AP1G1: variants seen among roughly 807,000 people sequenced by gnomAD.
AP1G1 encodes adaptor related protein complex 1 subunit gamma 1.
AP1G1 carries 7 observed loss-of-function variants against 108.3 expected under a neutral mutation model. The ratio of observed to expected loss-of-function variants is 0.06; its 90% CI spans 0.04 to 0.12. The LOEUF (loss-of-function observed/expected upper bound fraction) is 0.12. Ranked by LOEUF, AP1G1 falls within the 10% of genes least tolerant of loss-of-function variation. The pLI is 1.00. For synonymous variants in AP1G1, 379 were observed against 353.5 expected (o/e 1.07, Z -0.81); for missense variants, 756 against 1,010.7 (o/e 0.75, Z 3.42).
chr16:71,747,150 T>C (rs1424015456), intron 16 of AP1G1: 2 of 152,316 alleles, frequency 1.3e-5, no homozygotes, highest in Non-Finnish European at 2.9e-5. Flanking sequence ...TTCAATACCA[T>C]TTTTTATAAG....
chr16:71,729,343 A>T lies in AP1G1; in HGVS notation c.*3715T>A, dbSNP rs2045456623. 1 of 152,264 alleles carries T rather than the reference A, an allele frequency of 6.6e-6. No individual in the cohort carries two copies. 9.4% of individuals were successfully genotyped at this position (152,264 alleles called of 1,614,324 possible). On this transcript the variant is annotated 3_prime_UTR_variant, in exon 23 of 23. Transcript: ENST00000299980. ...GGAACACAGTGGGAGTTCATAAAGG[A>T]AAGAGTTCAGAAGCTCTTTCCCATG...
intron 19 of AP1G1, among the ~76,000 whole-genome samples, chr16:71,744,508 T>G (rs1383052691): frequency 6.6e-6 from 1 of 151,674 alleles, no homozygotes; most frequent in Non-Finnish European, 1.5e-5. Context: ...AGAAGTCATG[T>G]CTTGGGACAC....
intron 22 of AP1G1, among the ~76,000 whole-genome samples, chr16:71,734,046 GAGAA>G (rs1391914390): frequency 2.6e-5 from 4 of 152,170 alleles, no homozygotes; most frequent in Non-Finnish European, 5.9e-5. Flanking sequence ...AGTGTTACAA[GAGAA>G]AGAAAGTATA....
chr16:71,745,348 T>C (rs2030117801), intron 18 of AP1G1, 78 bp from the exon 19 acceptor site: 6 of 1,599,588 alleles, frequency 3.8e-6, no homozygotes, highest in African/African-American at 1.4e-5. Flanking sequence ...TCTTTCAATA[T>C]GTAAAAATAA....
At chr16:71,749,610 G>T (rs565627626) in intron 15 of AP1G1, among the ~76,000 whole-genome samples, 11 of 151,780 alleles carry the variant, frequency 7.2e-5, no homozygotes, top group Non-Finnish European at 1.0e-4. Flanking sequence ...TTTGAGACAG[G>T]GTCTCACTCC....
In AP1G1 at chr16:71,766,515, A is replaced by C. The variant is rs1264335234; in HGVS notation, c.643-931T>G. The C allele has an allele frequency of 2.9e-5, 13 of 444,402 alleles. No individual in the cohort carries two copies. In the Admixed American group the frequency reaches 3.4e-4, roughly 12 times the overall value. 27.5% of individuals were successfully genotyped at this position (444,402 alleles called of 1,614,324 possible). A position where few individuals can be genotyped will look rare whatever the true frequency, so the allele number is the denominator to read the frequency against. On this transcript the variant is annotated intron_variant, in intron 6 of 22. Coordinates refer to ENST00000299980, the MANE Select transcript of AP1G1 (RefSeq NM_001128.6). ...ATAGGAACTTTTTATGTTTCCAACT[A>C]AAAACTCAATTTTTAGCTATATAAA...
chr16:71,739,397 A>T lies in AP1G1; in HGVS notation c.2000-56T>A, dbSNP rs924419472. The T allele has an allele frequency of 3.7e-6, 5 of 1,356,946 alleles. 1 individual carries two copies. The African/African-American group carries it at 7.7e-5, about 21-fold the overall frequency. The allele number at this position is 1,356,946 out of a possible 1,614,324, so 84.1% of individuals were successfully genotyped here. A position where few individuals can be genotyped will look rare whatever the true frequency, so the allele number is the denominator to read the frequency against. On this transcript the variant is annotated intron_variant, in intron 19 of 22. Coordinates refer to ENST00000299980, the MANE Select transcript of AP1G1 (RefSeq NM_001128.6). Reference sequence around the variant, plus strand: ...CTTAGGCAGCATGACAAAGCTTACCAAGAAATTATAGGGAAAATTATTTCG... The same window carrying T: ...CTTAGGCAGCATGACAAAGCTTACCTAGAAATTATAGGGAAAATTATTTCG...
chr16:71,736,939 T>C (rs2045557901), intron 21 of AP1G1, among the ~76,000 whole-genome samples: 1 of 151,954 alleles, frequency 6.6e-6, no homozygotes, highest in Non-Finnish European at 1.5e-5. Flanking sequence ...TGTTGCACTG[T>C]ACAGTACACC....
chr16:71,738,217 A>ATT (rs61059579), intron 21 of AP1G1, among the ~76,000 whole-genome samples: 39 of 144,330 alleles, frequency 2.7e-4, no homozygotes, highest in South Asian at 2.2e-3. Context: ...CGCCCGGCTA[A>ATT]TTTTTTTTTT....
intron 21 of AP1G1, among the ~76,000 whole-genome samples, chr16:71,736,249 C>T (rs780130871): frequency 6.8e-6 from 1 of 148,048 alleles, no homozygotes; most frequent in Non-Finnish European, 1.5e-5. Flanking sequence ...TAATTCACAC[C>T]ATTATTTTAT....
chr16:71,776,483 T>C (rs1280028212), intron 2 of AP1G1, among the ~76,000 whole-genome samples: 1 of 152,284 alleles, frequency 6.6e-6, no homozygotes, highest in South Asian at 2.1e-4. Context: ...CAACAGAAAA[T>C]TTACTAAGGT....
At chr16:71,739,202 C>T (rs2045587194) in intron 20 of AP1G1, 32 bp downstream of exon 20, 1 of 1,607,882 alleles carries the variant, frequency 6.2e-7, no homozygotes, top group Non-Finnish European at 8.5e-7. Context: ...ACTCAGTGCT[C>T]CATGTAATGA....
chr16:71,763,049 G>C (rs2031164046), intron 9 of AP1G1, among the ~76,000 whole-genome samples: 1 of 152,140 alleles, frequency 6.6e-6, no homozygotes, highest in African/African-American at 2.4e-5. Context: ...TGATGTATAG[G>C]GAAATAGCCC....
chr16:71,739,439 A>T, intron 19 of AP1G1, 98 bp from the exon 20 acceptor site: 3 of 936,958 alleles, frequency 3.2e-6, no homozygotes, highest in Non-Finnish European at 4.7e-6. Context: ...GGTTAAGGAA[A>T]GATTCCTTAA....
At chr16:71,739,585 C>T (rs1555551215) in intron 19 of AP1G1, among the ~76,000 whole-genome samples, 1 of 149,366 alleles carries the variant, frequency 6.7e-6, no homozygotes, top group Non-Finnish European at 1.5e-5. Context: ...CCTGTCTCTA[C>T]AAAAAAAAAT....
chr16:71,753,857 G>A lies in AP1G1; in HGVS notation c.1260C>T (p.Asp420=). The A allele has an allele frequency of 6.2e-7, 1 of 1,614,002 alleles. No homozygotes were observed. Among genetic ancestry groups the A allele is most frequent in the Non-Finnish European group, 8.5e-7 (1 of 1,179,956 alleles). The change falls in exon 13 of 23, where the codon GAC becomes GAT. Residue 420 remains aspartate, a synonymous_variant. Coordinates refer to ENST00000299980, the MANE Select transcript of AP1G1 (RefSeq NM_001128.6). ...CCGTTGTCAAAACACGCATAATTGT[G>A]TCTATATGCCATCGTTTGGAAGGTG... The part of the protein sequence containing the change: ...KYAPSKRWHI[D]TIMRVLTTAG...
intron 1 of AP1G1, among the ~76,000 whole-genome samples, chr16:71,802,456 G>A (rs554359427): frequency 3.3e-5 from 5 of 152,252 alleles, no homozygotes; most frequent in South Asian, 2.1e-4. Flanking sequence ...TGGGCCAGGC[G>A]CGGTAGCTCA....
chr16:71,785,419 T>C (rs2032163253), intron 2 of AP1G1, among the ~76,000 whole-genome samples: 1 of 150,940 alleles, frequency 6.6e-6, no homozygotes, highest in South Asian at 2.1e-4. Context: ...CTACCAAAAA[T>C]ACAAAAATTA....
chr16:71,736,583 TTTA>T (rs2045548067), intron 21 of AP1G1, among the ~76,000 whole-genome samples: 1 of 140,904 alleles, frequency 7.1e-6, no homozygotes, highest in African/African-American at 2.6e-5. Context: ...TATTTATTTA[TTTA>T]TTTATTTATT....
Sources: allele counts gnomAD v4.1 joint callset (sites outside exome capture counted in the v4.1 genomes callset), GRCh38; gene constraint gnomAD v4.1.1; transcripts MANE v1.5; gene names NCBI Gene and HGNC (gene_info 2026-07-23, HGNC 2026-07-21).